Variants in MCPH1 observed in about 807,000 individuals in gnomAD.
The protein encoded by MCPH1 is microcephalin.
MCPH1 carries 104 observed loss-of-function variants against 84.5 expected under a neutral mutation model. The ratio of observed to expected loss-of-function variants is 1.23; its 90% confidence interval spans 1.05 to 1.45. The LOEUF (loss-of-function observed/expected upper bound fraction) is 1.45. MCPH1 is among the 40% of genes most tolerant of loss of function. MCPH1 has a pLI of 0.00. For synonymous variants in MCPH1, 514 were observed against 366.8 expected (o/e 1.40, Z -4.58); for missense variants, 1,498 against 1,005.7 (o/e 1.49, Z -6.62).
At chr8:6,456,472 T>G (rs943457394) in intron 9 of MCPH1, among the ~76,000 whole-genome samples, 14 of 152,146 alleles carry the variant, frequency 9.2e-5, no homozygotes. Context: ...TGGAAAGAAA[T>G]AAAGAACCAG....
intron 13 of MCPH1, among the ~76,000 whole-genome samples, chr8:6,628,406 C>T (rs1796909692): frequency 1.4e-5 from 2 of 138,512 alleles, no homozygotes; most frequent in African/African-American, 2.7e-5. Flanking sequence ...GGAGGCAGAG[C>T]TTGCAGTGAG....
chr8:6,445,621 C>A, intron 8 of MCPH1, 74 bp downstream of exon 8: 1 of 1,508,336 alleles, frequency 6.6e-7, no homozygotes, highest in South Asian at 1.4e-5. Context: ...TTAAATTTAT[C>A]ACAACTTTTT....
At chr8:6,504,145 C>T (rs199794373) in intron 12 of MCPH1, among the ~76,000 whole-genome samples, 1 of 151,902 alleles carries the variant, frequency 6.6e-6, no homozygotes, top group Non-Finnish European at 1.5e-5. Context: ...GGTGAAACCC[C>T]GTCTCTACTA....
At chr8:6,518,685 C>G (rs1040044696) in intron 12 of MCPH1, among the ~76,000 whole-genome samples, 2 of 152,098 alleles carry the variant, frequency 1.3e-5, no homozygotes, top group Non-Finnish European at 2.9e-5. Context: ...TTCCAAGAGC[C>G]TCGAAAATTT....
chr8:6,470,785 C>T (rs1050843615), intron 9 of MCPH1, among the ~76,000 whole-genome samples: 1 of 152,216 alleles, frequency 6.6e-6, no homozygotes, highest in Non-Finnish European at 1.5e-5. Flanking sequence ...TTTATTATTC[C>T]ACCATTATAA....
intron 9 of MCPH1, among the ~76,000 whole-genome samples, chr8:6,466,068 C>T (rs1185231052): frequency 6.6e-6 from 1 of 151,658 alleles, no homozygotes; most frequent in African/African-American, 2.4e-5. Flanking sequence ...GATTCTTGTG[C>T]CTCAGCCTCC....
intron 12 of MCPH1, among the ~76,000 whole-genome samples, chr8:6,585,754 G>C (rs1827926263): frequency 6.6e-6 from 1 of 152,118 alleles, no homozygotes; most frequent in Admixed American, 6.5e-5. Flanking sequence ...ATAAAGTCTG[G>C]TGGCTGAGCA....
intron 3 of MCPH1, among the ~76,000 whole-genome samples, chr8:6,422,966 G>A (rs1466654370): frequency 6.6e-6 from 1 of 151,456 alleles, no homozygotes; most frequent in African/African-American, 2.4e-5. Context: ...AGGATTACAG[G>A]CGTGAGCCAC....
At chr8:6,540,475 G>C (rs763127327) in intron 12 of MCPH1, among the ~76,000 whole-genome samples, 3 of 152,168 alleles carry the variant, frequency 2.0e-5, no homozygotes, top group Non-Finnish European at 1.5e-5. Context: ...GTCTTGTAGG[G>C]CACATGTATA....
chr8:6,536,680 C>G (rs537548390), intron 12 of MCPH1, among the ~76,000 whole-genome samples: 33 of 152,158 alleles, frequency 2.2e-4, no homozygotes, highest in African/African-American at 8.0e-4. Flanking sequence ...TGAACATTTC[C>G]AAATAAAGAT....
At chr8:6,640,760 C>G (rs1797889976) in intron 13 of MCPH1, among the ~76,000 whole-genome samples, 1 of 152,224 alleles carries the variant, frequency 6.6e-6, no homozygotes, top group Admixed American at 6.5e-5. Flanking sequence ...TCCTCACCCT[C>G]TGAGCTTTAA....
At position 6,644,051 on chromosome 8, in the gene MCPH1, G is replaced by C. The variant is rs1358463305; in HGVS notation, c.*1002G>C. ...AGATCACTTGAGGTCAGGAGTTCGA[G>C]ACCAGCCTGACCAACGCAGCAAAAC... is the stretch of plus-strand genomic sequence containing the variant. On this transcript the variant is annotated 3_prime_UTR_variant, in exon 14 of 14. Transcript: ENST00000344683. The C allele has an allele frequency of 6.6e-6, 1 of 152,244 alleles. No individual in the cohort carries two copies. Among genetic ancestry groups the C allele is most frequent in the South Asian group, 2.1e-4 (1 of 4,826 alleles). 9.4% of individuals were successfully genotyped at this position (152,244 alleles called of 1,614,324 possible). A position where few individuals can be genotyped will look rare whatever the true frequency, so the allele number is the denominator to read the frequency against.
At chr8:6,627,282 TC>T in intron 13 of MCPH1, 1 of 985,402 alleles carries the variant, frequency 1.0e-6, no homozygotes, top group Non-Finnish European at 1.2e-6. Context: ...AAGGAACCAG[TC>T]GCAGAGAGGG....
intron 12 of MCPH1, among the ~76,000 whole-genome samples, chr8:6,609,819 G>A (rs13267920): frequency 4.8e-5 from 5 of 104,116 alleles, no homozygotes; most frequent in African/African-American, 9.1e-5. Flanking sequence ...AATGCCCCCC[G>A]CCCCCCCCCC....
intron 12 of MCPH1, among the ~76,000 whole-genome samples, chr8:6,549,883 AG>A (rs1300336830): frequency 7.2e-5 from 11 of 152,228 alleles, no homozygotes; most frequent in African/African-American, 2.4e-4. Context: ...ATCTAAAAAA[AG>A]AAAAGAAAAG....
chr8:6,582,113 C>G (rs531698108), intron 12 of MCPH1, among the ~76,000 whole-genome samples: 2 of 152,288 alleles, frequency 1.3e-5, no homozygotes, highest in East Asian at 3.9e-4. Flanking sequence ...GGATGGGAAG[C>G]CTGTGTTGTA....
At chr8:6,426,712 A>G (rs1418836064) in intron 3 of MCPH1, among the ~76,000 whole-genome samples, 3 of 152,170 alleles carry the variant, frequency 2.0e-5, no homozygotes, top group Non-Finnish European at 2.9e-5. Flanking sequence ...TGGTTATGGC[A>G]CTGTATATTC....
intron 12 of MCPH1, among the ~76,000 whole-genome samples, chr8:6,542,116 C>A (rs915775716): frequency 1.3e-5 from 2 of 151,702 alleles, no homozygotes; most frequent in Non-Finnish European, 2.9e-5. Flanking sequence ...ATACCAGGAA[C>A]TTCCTTTTTA....
chr8:6,447,929 TAC>T (rs1804640165), intron 8 of MCPH1, among the ~76,000 whole-genome samples: 2 of 152,206 alleles, frequency 1.3e-5, no homozygotes, highest in African/African-American at 2.4e-5. Flanking sequence ...TTATAAACAG[TAC>T]ACAGATACAT....
Sources: gnomAD v4.1 joint callset for allele counts (sites outside exome capture counted in the v4.1 genomes callset) on GRCh38, gnomAD v4.1.1 for gene constraint, MANE v1.5 for transcripts, NCBI Gene and HGNC (gene_info 2026-07-23, HGNC 2026-07-21) for gene names.